NPEPL1: variants seen among roughly 807,000 people sequenced by gnomAD.
NPEPL1 encodes probable aminopeptidase NPEPL1.
A neutral mutation model predicts 52.4 loss-of-function variants in NPEPL1; 45 were observed. The ratio of observed to expected loss-of-function variants is 0.86; its 90% CI spans 0.68 to 1.10. The LOEUF is 1.10. NPEPL1 is among the 50% of genes least tolerant of loss of function. NPEPL1 has a pLI of 0.00. For missense variants in NPEPL1, 696 were observed against 710.9 expected (o/e 0.98, Z 0.24); for synonymous variants, 360 against 314.7 (o/e 1.14, Z -1.52).
rs560075317 is a variant in NPEPL1, at chr20:58,704,721, C to T, written c.823-2402C>T. 3.9e-5 allele frequency among the ~76,000 whole-genome samples: 6 copies of T among 152,212 alleles called. No individual in the cohort carries two copies. The South Asian group carries it at 8.3e-4, about 21-fold the overall frequency. On this transcript the variant is annotated intron_variant, in intron 6 of 11. Coordinates refer to ENST00000356091, the MANE Select transcript of NPEPL1 (RefSeq NM_024663.4). ...GAACTGTATCAAGAAAATCTGGCCT[C>T]ACGCATTTTATAGTTGAAACAGGGA...
At position 58,714,251 on chromosome 20, in the gene NPEPL1, G is replaced by A. The variant is rs900773347; in HGVS notation, c.1302+158G>A. On this transcript the variant is annotated intron_variant, in intron 10 of 11. Coordinates refer to ENST00000356091, the MANE Select transcript of NPEPL1 (RefSeq NM_024663.4). ...GAGAGGCAGGCGTCAGGGCACAGGAGTCATCCCAGACAGCGTGGGCCACTC... is the reference window on the plus strand; with the variant it reads ...GAGAGGCAGGCGTCAGGGCACAGGAATCATCCCAGACAGCGTGGGCCACTC... The A allele has an allele frequency of 1.7e-5, 13 of 757,650 alleles. No individual in the cohort carries two copies. The African/African-American group carries it at 2.3e-4, about 13-fold the overall frequency. 46.9% of individuals were successfully genotyped at this position (757,650 alleles called of 1,614,324 possible). A position where few individuals can be genotyped will look rare whatever the true frequency, so the allele number is the denominator to read the frequency against.
At chr20:58,701,885 CAGG>C (rs1601111700) in intron 6 of NPEPL1, among the ~76,000 whole-genome samples, 1 of 152,190 alleles carries the variant, frequency 6.6e-6, no homozygotes, top group East Asian at 1.9e-4. Flanking sequence ...CCTGCCATCC[CAGG>C]AGGACAGGTG....
intron 6 of NPEPL1, among the ~76,000 whole-genome samples, chr20:58,706,123 T>A (rs2084728965): frequency 6.6e-6 from 1 of 152,178 alleles, no homozygotes; most frequent in South Asian, 2.1e-4. Flanking sequence ...AATGTAAAAA[T>A]GTGTAACACT....
intron 3 of NPEPL1, among the ~76,000 whole-genome samples, chr20:58,697,758 C>T (rs750653408): frequency 2.6e-5 from 4 of 152,368 alleles, no homozygotes; most frequent in Middle Eastern, 3.4e-3. Flanking sequence ...CCCGCAGATT[C>T]AGCTGAGAGA....
At chr20:58,699,700 C>A (rs1039780413) in intron 5 of NPEPL1, among the ~76,000 whole-genome samples, 8 of 152,164 alleles carry the variant, frequency 5.3e-5, no homozygotes, top group Non-Finnish European at 1.2e-4. Context: ...TGGTGGAGGC[C>A]ATCTCAACCA....
intron 4 of NPEPL1, 119 bp from the exon 5 acceptor site, chr20:58,699,078 G>GC: frequency 1.1e-6 from 1 of 946,034 alleles, no homozygotes; most frequent in Middle Eastern, 2.4e-4. Flanking sequence ...TGGCTCCCAA[G>GC]CCCGGCTCCC....
At chr20:58,705,413 C>G (rs1273817866) in intron 6 of NPEPL1, 1 of 454,640 alleles carries the variant, frequency 2.2e-6, no homozygotes, top group Non-Finnish European at 4.4e-6. Context: ...TGTATTGTAC[C>G]CAAGGGTTGA....
In NPEPL1 at chr20:58,704,306, C is replaced by T. The variant is rs557621425; in HGVS notation, c.823-2817C>T. 3 of 985,416 alleles carry T rather than the reference C, an allele frequency of 3.0e-6. No individual in the cohort carries two copies. In the East Asian group the frequency reaches 3.4e-4, roughly 112 times the overall value. The allele number at this position is 985,416 out of a possible 1,614,324, so 61.0% of individuals were successfully genotyped here. On this transcript the variant is annotated intron_variant, in intron 6 of 11. Coordinates refer to ENST00000356091, the MANE Select transcript of NPEPL1 (RefSeq NM_024663.4). ...TTGCAAGAAAAAAAAAATCACAGCTCCATTTTCAAAGATTTCAAGGGCAGC... is the reference window on the plus strand; with the variant it reads ...TTGCAAGAAAAAAAAAATCACAGCTTCATTTTCAAAGATTTCAAGGGCAGC...
At chr20:58,708,375 G>A (rs1601126374) in intron 7 of NPEPL1, among the ~76,000 whole-genome samples, 1 of 152,204 alleles carries the variant, frequency 6.6e-6, no homozygotes, top group Non-Finnish European at 1.5e-5. Context: ...GGACACGGAG[G>A]TGCGGGGCTG....
chr20:58,705,397 G>A, intron 6 of NPEPL1: 4 of 449,300 alleles, frequency 8.9e-6, no homozygotes, highest in Non-Finnish European at 1.8e-5. Context: ...CACGGAATAT[G>A]GAAAATGTAT....
chr20:58,693,147 C>T (rs1359945329), intron 1 of NPEPL1, 97 bp downstream of exon 1: 1 of 862,438 alleles, frequency 1.2e-6, no homozygotes, highest in Non-Finnish European at 1.4e-6. Flanking sequence ...CCCCCGCCGC[C>T]GCCGGGCCGG....
chr20:58,708,871 G>C (rs2123136437), intron 7 of NPEPL1, among the ~76,000 whole-genome samples: 1 of 152,276 alleles, frequency 6.6e-6, no homozygotes, highest in East Asian at 1.9e-4. Context: ...GGGGGCAGGG[G>C]TGGGCAAGTG....
chr20:58,708,996 C>A (rs2084786397), intron 7 of NPEPL1, among the ~76,000 whole-genome samples: 1 of 152,162 alleles, frequency 6.6e-6, no homozygotes, highest in Non-Finnish European at 1.5e-5. Context: ...GGGAATGCCC[C>A]AGCAGGAAGA....
chr20:58,712,655 C>T, intron 8 of NPEPL1, 76 bp downstream of exon 8: 1 of 1,052,066 alleles, frequency 9.5e-7, no homozygotes. Context: ...TGCCAGCTCA[C>T]TCCAGGCATA....
intron 6 of NPEPL1, among the ~76,000 whole-genome samples, chr20:58,704,846 A>G (rs550415725): frequency 1.3e-4 from 20 of 152,362 alleles, no homozygotes; most frequent in African/African-American, 4.6e-4. Context: ...TGGTTATAAC[A>G]TGGAATCTGA....
intron 3 of NPEPL1, among the ~76,000 whole-genome samples, chr20:58,697,837 A>G (rs561217786): frequency 2.0e-5 from 3 of 152,376 alleles, no homozygotes; most frequent in African/African-American, 7.2e-5. Flanking sequence ...CCAGGGCTGA[A>G]GGACACATTT....
upstream of NPEPL1, chr20:58,691,680 CTTTTTTTCTTTTCTTTTTT>C: frequency 1.3e-6 from 1 of 753,620 alleles, no homozygotes; most frequent in Non-Finnish European, 2.0e-6. Flanking sequence ...GCTTTTTTTT[CTTTTTTTCTTTTCTTTTTT>C]TTTTTTTTTT....
In NPEPL1 at chr20:58,693,766, C is replaced by T. The variant is rs769073117; in HGVS notation, c.180C>T (p.Asn60=). Residue 60 remains asparagine (N), a synonymous_variant, in exon 2 of 12, where the codon AAC becomes AAT. Coordinates refer to ENST00000356091, the MANE Select transcript of NPEPL1 (RefSeq NM_024663.4). Reference sequence around the variant, plus strand: ...GGCAGGCTGCCCTGAGCACGCTCAACCCCAACCCCACGGACAGCTGTCCCC... The same window carrying T: ...GGCAGGCTGCCCTGAGCACGCTCAATCCCAACCCCACGGACAGCTGTCCCC... ...ELWQAALSTL[N]PNPTDSCPLY... is the part of the protein sequence containing the mutation. The T allele has an allele frequency of 7.4e-6, 12 of 1,612,768 alleles. No homozygotes were observed. The highest frequency in any genetic ancestry group is 3.3e-5 in the Admixed American group (2 of 59,948).
intron 2 of NPEPL1, 147 bp from the exon 3 acceptor site, chr20:58,694,275 G>T: frequency 1.3e-6 from 1 of 777,598 alleles, no homozygotes; most frequent in Non-Finnish European, 2.0e-6. Context: ...GATGACCTGA[G>T]GGATGGGGTG....
Sources: gnomAD v4.1 joint callset for allele counts (sites outside exome capture counted in the v4.1 genomes callset) on GRCh38, gnomAD v4.1.1 for gene constraint, MANE v1.5 for transcripts, NCBI Gene and HGNC (gene_info 2026-07-23, HGNC 2026-07-21) for gene names.